RPTOR: variants seen among roughly 807,000 people sequenced by gnomAD.
RPTOR encodes regulatory-associated protein of mTOR.
Under a neutral mutation model 169.9 loss-of-function variants are expected in RPTOR, and 21 were observed. The observed-to-expected ratio is 0.12, with a 90% confidence interval of 0.09 to 0.18. RPTOR has a LOEUF of 0.18. Ranked by LOEUF, RPTOR falls within the 10% of genes least tolerant of loss-of-function variation. The pLI is 1.00. For missense variants in RPTOR, 1,133 were observed against 1,855.9 expected, an observed-to-expected ratio of 0.61 and a Z score of 7.16; for synonymous variants, 732 against 753.2, an observed-to-expected ratio of 0.97 and a Z score of 0.46.
Position 80,629,843 on chromosome 17 carries a change from T to G in RPTOR, c.265+4050T>G, listed in dbSNP as rs997337997. 2.2e-4 allele frequency among the ~76,000 whole-genome samples: 34 copies of G among 152,116 alleles called. 1 individual carries two copies. The highest frequency in any genetic ancestry group is 2.0e-3 in the Admixed American group (30 of 15,278). ...CTCTATGTTTTGTGCTGTTGGACAT[T>G]GTACCACAGCTCTTCCGTGTGTCTG... On this transcript the variant is annotated intron_variant, in intron 2 of 33. Coordinates refer to ENST00000306801, the MANE Select transcript of RPTOR (RefSeq NM_020761.3).
Position 80,634,390 on chromosome 17 carries a change from TGC to T in RPTOR, c.265+8599_265+8600del, listed in dbSNP as rs1192377307. ...GCATACTGTGTGTGTGCATACTGTGTGCGTGTGCATACCGTGTGTGTGTGCAT... is the reference window on the plus strand; with the variant it reads ...GCATACTGTGTGTGTGCATACTGTGTGTGTGCATACCGTGTGTGTGTGCAT... On this transcript the variant is annotated intron_variant, in intron 2 of 33. Transcript: ENST00000306801. 3.4e-3 allele frequency among the ~76,000 whole-genome samples: 432 copies of T among 128,678 alleles called. 46 individuals carry two copies. Among genetic ancestry groups the T allele is most frequent in the Non-Finnish European group, 4.8e-3 (281 of 58,592 alleles). The allele number at this position is 128,678 out of a possible 152,430, so 84.4% of individuals were successfully genotyped here.
intron 27 of RPTOR, among the ~76,000 whole-genome samples, chr17:80,948,029 G>A (rs752759478): frequency 4.7e-4 from 71 of 152,218 alleles, no homozygotes; most frequent in Non-Finnish European, 8.8e-4. Flanking sequence ...TTGAAAACAC[G>A]TGTCCATTGC....
At chr17:80,666,511 T>C (rs1567847252) in intron 3 of RPTOR, among the ~76,000 whole-genome samples, 1 of 152,158 alleles carries the variant, frequency 6.6e-6, no homozygotes, top group Non-Finnish European at 1.5e-5. Flanking sequence ...AGGATGAAAA[T>C]GACTGCTTGG....
At chr17:80,822,511 G>A (rs1249741206) in intron 8 of RPTOR, among the ~76,000 whole-genome samples, 2 of 152,232 alleles carry the variant, frequency 1.3e-5, no homozygotes, top group African/African-American at 2.4e-5. Context: ...GAACGGTGGT[G>A]TGGAGAGACT....
Position 80,633,809 on chromosome 17 carries a change from C to T in RPTOR, c.265+8016C>T, listed in dbSNP as rs868796064. Among the ~76,000 whole-genome samples the T allele has an allele frequency of 2.6e-5, 4 of 152,196 alleles. No individual in the cohort carries two copies. The highest frequency in any genetic ancestry group is 1.3e-4 in the Admixed American group (2 of 15,286). On this transcript the variant is annotated intron_variant, in intron 2 of 33. Coordinates refer to ENST00000306801, the MANE Select transcript of RPTOR (RefSeq NM_020761.3). This position sits in a 1 kb window ranked among gnomAD's most constrained non-coding sequence, Gnocchi z 4.1. ...AGTGGATTTAGAATCCAGTGTTATC[C>T]TTTGGTGCCGAGCTTGTCTCCCTCT...
chr17:80,893,919 A>G (rs999967618), intron 20 of RPTOR, 54 bp downstream of exon 20: 1 of 1,490,630 alleles, frequency 6.7e-7, no homozygotes, highest in Non-Finnish European at 9.0e-7. Flanking sequence ...TCTCCTCCCC[A>G]CACAGAGCAG....
At chr17:80,956,703 TAGAC>T (rs1344035204) in intron 28 of RPTOR, among the ~76,000 whole-genome samples, 5 of 152,226 alleles carry the variant, frequency 3.3e-5, no homozygotes, top group African/African-American at 9.6e-5. Flanking sequence ...GTGAGCACCT[TAGAC>T]AGACGTTGCT....
Position 80,754,430 on chromosome 17 carries a change from G to T in RPTOR, c.830+245G>T, listed in dbSNP as rs2066660019. ...CAGCTCACTGCTTTGCGATTTCCAA[G>T]AACACCCTCTCCTTACCTTTGTTCA... On this transcript the variant is annotated intron_variant, in intron 6 of 33. Coordinates refer to ENST00000306801, the MANE Select transcript of RPTOR (RefSeq NM_020761.3). This position sits in a 1 kb window ranked among gnomAD's most constrained non-coding sequence, Gnocchi z 4.2. 1.3e-5 allele frequency among the ~76,000 whole-genome samples: 2 copies of T among 152,170 alleles called. No homozygotes were observed. Among genetic ancestry groups the T allele is most frequent in the Admixed American group, 6.5e-5 (1 of 15,282 alleles).
intron 13 of RPTOR, among the ~76,000 whole-genome samples, chr17:80,859,226 A>G (rs2067890020): frequency 6.6e-6 from 1 of 152,178 alleles, no homozygotes; most frequent in African/African-American, 2.4e-5. Flanking sequence ...GAGACCCTCG[A>G]AGGAAAATGT....
intron 7 of RPTOR, among the ~76,000 whole-genome samples, chr17:80,821,807 T>C (rs773510073): frequency 3.9e-5 from 6 of 152,200 alleles, no homozygotes; most frequent in Non-Finnish European, 8.8e-5. Context: ...GACGGTGTAC[T>C]TCCACAGCGT....
intron 6 of RPTOR, among the ~76,000 whole-genome samples, chr17:80,755,172 T>A (rs1402670420): frequency 6.6e-6 from 1 of 152,178 alleles, no homozygotes; most frequent in Non-Finnish European, 1.5e-5. Context: ...GGCTGGGGGT[T>A]CATGATGTTG....
chr17:80,839,275 C>T (rs2067600809), intron 10 of RPTOR, among the ~76,000 whole-genome samples: 1 of 151,922 alleles, frequency 6.6e-6, no homozygotes. Flanking sequence ...TTTAAGAGGG[C>T]TTTCTTTTTT....
At chr17:80,939,630 A>G (rs2068998506) in intron 24 of RPTOR, among the ~76,000 whole-genome samples, 1 of 152,120 alleles carries the variant, frequency 6.6e-6, no homozygotes, top group Admixed American at 6.5e-5. Flanking sequence ...CTGCCCAGGA[A>G]GGTCCCACAC....
chr17:80,961,182 G>C (rs1209319943), intron 30 of RPTOR, among the ~76,000 whole-genome samples: 2 of 152,230 alleles, frequency 1.3e-5, no homozygotes, highest in African/African-American at 4.8e-5. Context: ...CCCTGAGCCA[G>C]CCTGGGGAGG....
At chr17:80,574,607 G>T (rs184035003) in intron 1 of RPTOR, among the ~76,000 whole-genome samples, 266 of 152,122 alleles carry the variant, frequency 1.7e-3, no homozygotes, top group African/African-American at 5.7e-3. Context: ...TGGGACTGTA[G>T]TAATGTTTCC....
At chr17:80,913,713 A>G (rs1267769014) in intron 21 of RPTOR, among the ~76,000 whole-genome samples, 83 of 152,238 alleles carry the variant, frequency 5.5e-4, no homozygotes, top group South Asian at 3.7e-3. Flanking sequence ...TTTCCCTCCC[A>G]AAATGCCAGG....
chr17:80,618,360 C>A (rs984370818), intron 1 of RPTOR, among the ~76,000 whole-genome samples: 1 of 150,318 alleles, frequency 6.7e-6, no homozygotes, highest in African/African-American at 2.5e-5. Flanking sequence ...TGAGCTATAA[C>A]GATTCCTTTT....
At chr17:80,594,861 A>G (rs574142405) in intron 1 of RPTOR, among the ~76,000 whole-genome samples, 1 of 152,340 alleles carries the variant, frequency 6.6e-6, no homozygotes, top group Admixed American at 6.5e-5. Flanking sequence ...GAACCCCTGC[A>G]ACATCTGTTC....
chr17:80,810,736 G>A (rs2067264593), intron 7 of RPTOR, among the ~76,000 whole-genome samples: 1 of 152,156 alleles, frequency 6.6e-6, no homozygotes, highest in Non-Finnish European at 1.5e-5. Context: ...TACCATCCTA[G>A]TAATATGGAG....
Sources: gnomAD v4.1 joint callset for allele counts (sites outside exome capture counted in the v4.1 genomes callset) on GRCh38, gnomAD v4.1.1 for gene constraint, Gnocchi (gnomAD v3.1) non-coding constraint, MANE v1.5 for transcripts, NCBI Gene and HGNC (gene_info 2026-07-23, HGNC 2026-07-21) for gene names.